TRPM7: variants seen among roughly 807,000 people sequenced by gnomAD.
TRPM7 encodes transient receptor potential cation channel subfamily M member 7, also known as LTRPC ion channel family member 7.
A neutral mutation model predicts 229.7 loss-of-function variants in TRPM7; 134 were observed. The observed-to-expected ratio is 0.58, with a 90% confidence interval of 0.51 to 0.67. TRPM7 has a LOEUF of 0.67. Among genes scored for constraint, TRPM7 ranks in the 30% least tolerant of loss-of-function variants. TRPM7 has a pLI of 0.00. For synonymous variants in TRPM7, 699 were observed against 715.2 expected, an observed-to-expected ratio of 0.98 and a Z score of 0.36; for missense variants, 1,901 against 2,210.0, an observed-to-expected ratio of 0.86 and a Z score of 2.80.
At chr15:50,578,850 CTATA>C (rs900080163) in intron 30 of TRPM7, among the ~76,000 whole-genome samples, 186 bp from the exon 31 acceptor site, 4 of 149,378 alleles carry the variant, frequency 2.7e-5, no homozygotes, top group Non-Finnish European at 5.9e-5. Flanking sequence ...ATATATATAT[CTATA>C]TATATATATC....
intron 22 of TRPM7, among the ~76,000 whole-genome samples, chr15:50,596,754 C>CT (rs751223322): frequency 1.3e-5 from 2 of 151,580 alleles, no homozygotes; most frequent in African/African-American, 4.8e-5. Flanking sequence ...AATGTCCAAA[C>CT]TTTTTTTTTC....
At chr15:50,681,396 G>A (rs745698485) in intron 1 of TRPM7, among the ~76,000 whole-genome samples, 1 of 152,002 alleles carries the variant, frequency 6.6e-6, no homozygotes, top group Non-Finnish European at 1.5e-5. Flanking sequence ...AGTATCTTCC[G>A]GGTACTGGGT....
chr15:50,660,291 T>C lies in TRPM7; in HGVS notation c.84-2472A>G, dbSNP rs116637881. ...CAGAATGTATTAAAAAATTGAGGGATATTTAAAAAACATAAAATATTTTCT... is the reference window on the plus strand; with the variant it reads ...CAGAATGTATTAAAAAATTGAGGGACATTTAAAAAACATAAAATATTTTCT... On this transcript the variant is annotated intron_variant, in intron 2 of 38. Transcript: ENST00000646667. Among the ~76,000 whole-genome samples the C allele has an allele frequency of 1.7e-3, 253 of 152,258 alleles. 1 individual carries two copies. The highest frequency in any genetic ancestry group is 5.6e-3 in the African/African-American group (231 of 41,566).
At chr15:50,599,360 A>G in intron 21 of TRPM7, 64 bp from the exon 22 acceptor site, 8 of 1,282,846 alleles carry the variant, frequency 6.2e-6, no homozygotes, top group Non-Finnish European at 7.4e-6. Flanking sequence ...ATCTTTCTAA[A>G]AGCTTCTAAT....
chr15:50,656,871 T>G (rs527437215), intron 3 of TRPM7, among the ~76,000 whole-genome samples: 2 of 152,190 alleles, frequency 1.3e-5, no homozygotes, highest in Non-Finnish European at 2.9e-5. Context: ...CCAAATCCTA[T>G]TGCATTTATC....
chr15:50,576,683 G>A (rs962428287), intron 31 of TRPM7, among the ~76,000 whole-genome samples: 2 of 152,174 alleles, frequency 1.3e-5, no homozygotes, highest in Non-Finnish European at 2.9e-5. Context: ...TTCTAATTCT[G>A]TAGGTATGTG....
chr15:50,686,516 G>A lies in TRPM7; in HGVS notation c.3+15C>T. The A allele has an allele frequency of 3.1e-6, 5 of 1,613,864 alleles. No individual in the cohort carries two copies. The South Asian group carries it at 5.5e-5, about 18-fold the overall frequency. On this transcript the variant is annotated intron_variant, in intron 1 of 38. Transcript: ENST00000646667. ...CCAGAACCATTCCCCGCCCGGGCCTGCGTGGGTCCAGTACCATTCTCCTCA... is the reference window on the plus strand; with the variant it reads ...CCAGAACCATTCCCCGCCCGGGCCTACGTGGGTCCAGTACCATTCTCCTCA...
chr15:50,629,458 A>T (rs992478320), intron 10 of TRPM7, among the ~76,000 whole-genome samples: 2 of 149,434 alleles, frequency 1.3e-5, no homozygotes, highest in African/African-American at 2.5e-5. Context: ...TTTTTTGTAG[A>T]GATAGGGTTT....
rs957316400 is a variant in TRPM7, at chr15:50,558,779, C to A, written c.*2899G>T. 1 of 151,970 alleles carries A rather than the reference C, an allele frequency of 6.6e-6. No homozygotes were observed. The highest frequency in any genetic ancestry group is 6.6e-5 in the Admixed American group (1 of 15,234). 9.4% of individuals were successfully genotyped at this position (151,970 alleles called of 1,614,324 possible). On this transcript the variant is annotated 3_prime_UTR_variant, in exon 39 of 39. Transcript: ENST00000646667. ...GTGGTGGTGCATGCCTGTGGTTCCA[C>A]CTAATCAAGAGGCAGTGGCAGGAGG...
In TRPM7 at chr15:50,644,962, C is replaced by T. The variant is rs189268810; in HGVS notation, c.322-1409G>A. On this transcript the variant is annotated intron_variant, in intron 4 of 38. Coordinates refer to ENST00000646667, the MANE Select transcript of TRPM7 (RefSeq NM_017672.6). ...TGTTGCCCAGGCTGGAGTGCAGTGG[C>T]GCCACCACGGCTCACTGCAGCCTCT... is the stretch of plus-strand genomic sequence containing the variant. 1.2e-4 allele frequency among the ~76,000 whole-genome samples: 18 copies of T among 150,652 alleles called. No homozygotes were observed. In the East Asian group the frequency reaches 3.2e-3, roughly 27 times the overall value.
Position 50,678,884 on chromosome 15 carries a change from AT to A in TRPM7, c.3+7646del, listed in dbSNP as rs912913257. 3.6e-4 allele frequency among the ~76,000 whole-genome samples: 41 copies of A among 113,544 alleles called. No individual in the cohort carries two copies. The South Asian group carries it at 3.8e-3, about 11-fold the overall frequency. 74.5% of individuals were successfully genotyped at this position (113,544 alleles called of 152,430 possible). The stretch of plus-strand genomic sequence containing the variant: ...CATCTTTGCAAAAACAAAAAAAAAA[AT>A]TTTTTTGAGACGAAGTCTCGCTCTG... On this transcript the variant is annotated intron_variant, in intron 1 of 38. Coordinates refer to ENST00000646667, the MANE Select transcript of TRPM7 (RefSeq NM_017672.6).
At chr15:50,566,270 C>T in intron 38 of TRPM7, among the ~76,000 whole-genome samples, 1 of 151,782 alleles carries the variant, frequency 6.6e-6, no homozygotes, top group African/African-American at 2.4e-5. Context: ...ATCCATACAT[C>T]AAAGAGGAAT....
intron 38 of TRPM7, among the ~76,000 whole-genome samples, chr15:50,569,329 T>G (rs749832529): frequency 9.2e-5 from 14 of 152,178 alleles, no homozygotes; most frequent in Admixed American, 7.2e-4. Flanking sequence ...GATGTTAATA[T>G]CATGAGACAA....
intron 5 of TRPM7, among the ~76,000 whole-genome samples, chr15:50,640,012 T>A (rs1203532059): frequency 1.3e-5 from 2 of 152,138 alleles, no homozygotes; most frequent in Non-Finnish European, 2.9e-5. Context: ...ATCAAATCAC[T>A]ACAAATGCCA....
At chr15:50,618,610 A>T (rs1373936758) in intron 13 of TRPM7, among the ~76,000 whole-genome samples, 1 of 97,414 alleles carries the variant, frequency 1.0e-5, no homozygotes, top group Non-Finnish European at 2.4e-5. Flanking sequence ...TAAATAAATA[A>T]ATAAACGTAT....
chr15:50,623,937 G>A (rs1260800429), intron 12 of TRPM7, among the ~76,000 whole-genome samples: 1 of 152,068 alleles, frequency 6.6e-6, no homozygotes, highest in African/African-American at 2.4e-5. Flanking sequence ...AGGAAAGAGA[G>A]GTAGGCTTAA....
At position 50,686,522 on chromosome 15, in the gene TRPM7, G is replaced by A; in HGVS notation, c.3+9C>T. The A allele has an allele frequency of 6.2e-7, 1 of 1,612,740 alleles. No homozygotes were observed. The highest frequency in any genetic ancestry group is 1.1e-5 in the South Asian group (1 of 91,050). Reference sequence around the variant, plus strand: ...CCATTCCCCGCCCGGGCCTGCGTGGGTCCAGTACCATTCTCCTCACGGGGC... The same window carrying A: ...CCATTCCCCGCCCGGGCCTGCGTGGATCCAGTACCATTCTCCTCACGGGGC... On this transcript the variant is annotated intron_variant, in intron 1 of 38. Coordinates refer to ENST00000646667, the MANE Select transcript of TRPM7 (RefSeq NM_017672.6).
intron 26 of TRPM7, among the ~76,000 whole-genome samples, chr15:50,591,626 A>G (rs1184395892): frequency 6.6e-6 from 1 of 151,872 alleles, no homozygotes; most frequent in African/African-American, 2.4e-5. Flanking sequence ...CCTCCTGAGT[A>G]GCTGGGACTT....
intron 7 of TRPM7, among the ~76,000 whole-genome samples, chr15:50,636,752 GATTT>G (rs1257329589): frequency 2.0e-5 from 3 of 152,052 alleles, no homozygotes; most frequent in African/African-American, 7.2e-5. Flanking sequence ...ATTTTAAGCT[GATTT>G]ATTTCTTTCA....
Sources: allele counts gnomAD v4.1 joint callset (sites outside exome capture counted in the v4.1 genomes callset), GRCh38; gene constraint gnomAD v4.1.1; transcripts MANE v1.5; gene names NCBI Gene and HGNC (gene_info 2026-07-23, HGNC 2026-07-21).